The following PRKD3 variants were observed in gnomAD, a reference collection of about 807,000 sequenced individuals.
PRKD3 encodes serine/threonine-protein kinase D3.
In PRKD3, 47 loss-of-function variants were observed where a neutral mutation model predicts 99.2. That is an observed-to-expected ratio of 0.47 (90% CI 0.38 to 0.60). PRKD3 has a LOEUF of 0.60. Among genes scored for constraint, PRKD3 ranks in the 20% least tolerant of loss-of-function variants. PRKD3 has a pLI of 0.00. For missense variants in PRKD3, 1,019 were observed against 1,088.4 expected, an observed-to-expected ratio of 0.94 and a Z score of 0.90; for synonymous variants, 392 against 355.4, an observed-to-expected ratio of 1.10 and a Z score of -1.16.
chr2:37,316,952 G>C lies in PRKD3; in HGVS notation c.-428C>G, dbSNP rs1187532900. 8 of 998,314 alleles carry C rather than the reference G, an allele frequency of 8.0e-6. No individual in the cohort carries two copies. In the East Asian group the frequency reaches 8.6e-4, roughly 108 times the overall value. 61.8% of individuals were successfully genotyped at this position (998,314 alleles called of 1,614,324 possible). A position where few individuals can be genotyped will look rare whatever the true frequency, so the allele number is the denominator to read the frequency against. Reference sequence around the variant, plus strand: ...ATCCTCTTCGTTTAAAAAACAGTAAGTGTTTTGGATTAATCTATTCAGTAC... The same window carrying C: ...ATCCTCTTCGTTTAAAAAACAGTAACTGTTTTGGATTAATCTATTCAGTAC... On this transcript the variant is annotated 5_prime_UTR_variant, in exon 2 of 19. Transcript: ENST00000234179.
At chr2:37,269,487 TAAC>T (rs1361457743) in intron 13 of PRKD3, 125 bp downstream of exon 13, 11 of 736,716 alleles carry the variant, frequency 1.5e-5, no homozygotes, top group South Asian at 4.7e-5. Context: ...AGCTGAAAGA[TAAC>T]AAGTCAGCCT....
rs1668253043 is a variant in PRKD3, at chr2:37,259,637, G to C, written c.2091C>G (p.His697Gln). The change falls in exon 16 of 19, where the codon CAC (histidine) becomes CAG (glutamine). Residue 697 changes from histidine (H) to glutamine (Q), a missense_variant. His to Gln is a conservative substitution (Grantham distance 24). This residue lies in a region of PRKD3 where 184 missense variants were observed against 275.1 expected (regional missense o/e 0.67). Transcript: ENST00000234179. ...GCACATTTTCTGGCTTTAAATCACAGTGCACAATATTCTTAAAATGCAGAT... is the reference window on the plus strand; with the variant it reads ...GCACATTTTCTGGCTTTAAATCACACTGCACAATATTCTTAAAATGCAGAT... ...LRNLHFKNIV[H>Q]CDLKPENVLL... 1 of 1,613,582 alleles carries C rather than the reference G, an allele frequency of 6.2e-7. No homozygotes were observed. Among genetic ancestry groups the C allele is most frequent in the Non-Finnish European group, 8.5e-7 (1 of 1,179,550 alleles).
intron 8 of PRKD3, chr2:37,279,515 AAAAACG>A (rs34165142): frequency 0.08 from 24,692 of 307,592 alleles, 1,318 homozygotes; most frequent in East Asian, 0.27. Flanking sequence ...ACAAAAAACA[AAAAACG>A]AAAAAAAAAA....
At chr2:37,282,887 A>C (rs1223747048) in intron 6 of PRKD3, among the ~76,000 whole-genome samples, 1 of 152,086 alleles carries the variant, frequency 6.6e-6, no homozygotes, top group Non-Finnish European at 1.5e-5. Context: ...TCATCTTTCC[A>C]CATCTCCCAT....
At chr2:37,277,362 C>T (rs1418841991) in intron 9 of PRKD3, among the ~76,000 whole-genome samples, 1 of 152,126 alleles carries the variant, frequency 6.6e-6, no homozygotes, top group Non-Finnish European at 1.5e-5. Context: ...GGCAGTCTAG[C>T]TCCAAAGTCT....
intron 3 of PRKD3, 119 bp downstream of exon 3, chr2:37,293,014 T>G (rs1670506303): frequency 1.8e-6 from 2 of 1,100,762 alleles, no homozygotes; most frequent in Non-Finnish European, 2.5e-6. Context: ...TTATTAGAGA[T>G]GAAAGAAATT....
chr2:37,289,300 T>C lies in PRKD3; in HGVS notation c.717+56A>G. 7.0e-6 allele frequency: 11 copies of C among 1,571,010 alleles called. No individual in the cohort carries two copies. In the South Asian group the frequency reaches 9.1e-5, roughly 13 times the overall value. On this transcript the variant is annotated intron_variant, in intron 5 of 18. Coordinates refer to ENST00000234179, the MANE Select transcript of PRKD3 (RefSeq NM_005813.6). Reference sequence around the variant, plus strand: ...TGTTCTAGAGTGATGTCATACACCCTGTAGAAACACAGAGAATAACTACTA... The same window carrying C: ...TGTTCTAGAGTGATGTCATACACCCCGTAGAAACACAGAGAATAACTACTA...
intron 1 of PRKD3, among the ~76,000 whole-genome samples, chr2:37,320,323 T>A (rs912853321): frequency 6.6e-6 from 1 of 151,678 alleles, no homozygotes; most frequent in Non-Finnish European, 1.5e-5. Context: ...CACGAGGTAA[T>A]GAGCTCCACA....
rs1414389386 is a variant in PRKD3, at chr2:37,253,018, A to G, written c.*159T>C. Reference sequence around the variant, plus strand: ...TCTTATTATTCAGTTTCCCGCCTGTACCTACTCATTATGAACTACAGTACT... The same window carrying G: ...TCTTATTATTCAGTTTCCCGCCTGTGCCTACTCATTATGAACTACAGTACT... On this transcript the variant is annotated 3_prime_UTR_variant, in exon 19 of 19. Transcript: ENST00000234179. 1 of 621,220 alleles carries G rather than the reference A, an allele frequency of 1.6e-6. No homozygotes were observed. Among genetic ancestry groups the G allele is most frequent in the Admixed American group, 3.6e-5 (1 of 27,466 alleles). The allele number at this position is 621,220 out of a possible 1,614,324, so 38.5% of individuals were successfully genotyped here. A position where few individuals can be genotyped will look rare whatever the true frequency, so the allele number is the denominator to read the frequency against.
chr2:37,289,023 C>T lies in PRKD3; in HGVS notation c.717+333G>A, dbSNP rs1033031401. On this transcript the variant is annotated intron_variant, in intron 5 of 18. Coordinates refer to ENST00000234179, the MANE Select transcript of PRKD3 (RefSeq NM_005813.6). ...GAGCAGAGACCGTGCCACTGCACTC[C>T]AGCCTGGGCGACAGAGCAAGACTCC... 2.7e-5 allele frequency among the ~76,000 whole-genome samples: 4 copies of T among 150,864 alleles called. No homozygotes were observed. The East Asian group carries it at 7.8e-4, about 29-fold the overall frequency.
At chr2:37,309,981 T>C (rs1161558990) in intron 2 of PRKD3, among the ~76,000 whole-genome samples, 7 of 152,006 alleles carry the variant, frequency 4.6e-5, no homozygotes, top group Non-Finnish European at 7.4e-5. Context: ...AGAATTGATA[T>C]ACCATTAACC....
At chr2:37,319,582 C>T (rs75344923) in intron 1 of PRKD3, among the ~76,000 whole-genome samples, 6,709 of 151,908 alleles carry the variant, frequency 0.044, 161 homozygotes, top group African/African-American at 0.052. Context: ...TATTTATCAA[C>T]GAAAAAGATT....
At chr2:37,270,647 AC>A (rs1669189038) in intron 12 of PRKD3, among the ~76,000 whole-genome samples, 1 of 152,236 alleles carries the variant, frequency 6.6e-6, no homozygotes, top group African/African-American at 2.4e-5. Context: ...ACTTATAAAG[AC>A]AAAGCCTCAG....
In PRKD3 at chr2:37,274,655, C is replaced by A; in HGVS notation, c.1417G>T (p.Asp473Tyr). Residue 473 changes from aspartate to tyrosine, a missense_variant, in exon 11 of 19, where the codon GAT becomes TAT. Physicochemically the swap from Asp to Tyr is radical, Grantham distance 160 (BLOSUM62 -3). This residue lies in a region of PRKD3 where 710 missense variants were observed against 692.7 expected (regional missense o/e 1.02). Coordinates refer to ENST00000234179, the MANE Select transcript of PRKD3 (RefSeq NM_005813.6). ...SEILRISSPR[D>Y]FTNISQGSNP... is the part of the protein sequence containing the mutation. ...CTGCCTTGTGAAATGTTTGTGAAAT[C>A]TCGTGGTGAAGATATGCGGAGAATT... 1 of 1,614,000 alleles carries A rather than the reference C, an allele frequency of 6.2e-7. No homozygotes were observed. The highest frequency in any genetic ancestry group is 8.5e-7 in the Non-Finnish European group (1 of 1,179,940).
chr2:37,264,205 A>T (rs1668667212), intron 14 of PRKD3, among the ~76,000 whole-genome samples: 1 of 152,202 alleles, frequency 6.6e-6, no homozygotes, highest in African/African-American at 2.4e-5. Context: ...CTGTATATAG[A>T]CATACATAAT....
intron 18 of PRKD3, 57 bp from the exon 19 acceptor site, chr2:37,253,407 G>C: frequency 1.4e-6 from 2 of 1,472,112 alleles, no homozygotes; most frequent in Non-Finnish European, 1.8e-6. Context: ...CTGTCAACCT[G>C]GTTTTTGTTT....
chr2:37,270,693 T>C (rs1669190826), intron 12 of PRKD3, among the ~76,000 whole-genome samples: 1 of 152,206 alleles, frequency 6.6e-6, no homozygotes, highest in Non-Finnish European at 1.5e-5. Flanking sequence ...TGCATGTATA[T>C]ATGTTAAGTT....
chr2:37,260,829 T>C (rs1037641084), intron 14 of PRKD3, among the ~76,000 whole-genome samples: 4 of 152,250 alleles, frequency 2.6e-5, no homozygotes, highest in Middle Eastern at 3.2e-3. Flanking sequence ...AAGTCTTGAT[T>C]CTTATAATAT....
At chr2:37,256,342 T>C (rs1032837317) in intron 17 of PRKD3, among the ~76,000 whole-genome samples, 1 of 151,940 alleles carries the variant, frequency 6.6e-6, no homozygotes, top group South Asian at 2.1e-4. Context: ...TTCCTGAAGA[T>C]AGATTTGGCA....
Sources: gnomAD v4.1 joint callset for allele counts (sites outside exome capture counted in the v4.1 genomes callset) on GRCh38, gnomAD v4.1.1 for gene constraint, gnomAD v4.1.1 regional missense constraint, MANE v1.5 for transcripts, NCBI Gene and HGNC (gene_info 2026-07-23, HGNC 2026-07-21) for gene names.